Variants in XKR6 observed in about 807,000 individuals in gnomAD.
XKR6 encodes XK-related protein 6.
In XKR6, 22 loss-of-function variants were observed where a neutral mutation model predicts 56.7. The observed-to-expected ratio is 0.39, with a 90% CI of 0.28 to 0.55. XKR6 has a LOEUF of 0.55. Ranked by LOEUF, XKR6 falls within the 20% of genes least tolerant of loss-of-function variation. The pLI is 0.66. For missense variants in XKR6, 852 were observed against 889.0 expected (o/e 0.96, Z 0.53); for synonymous variants, 524 against 387.8 (o/e 1.35, Z -4.13).
chr8:10,997,224 C>A (rs377717109), intron 1 of XKR6, among the ~76,000 whole-genome samples: 1 of 152,182 alleles, frequency 6.6e-6, no homozygotes, highest in African/African-American at 2.4e-5. Context: ...TTCATGCCAG[C>A]CACCATGCTC....
chr8:11,130,459 G>T (rs1586588587), intron 1 of XKR6, among the ~76,000 whole-genome samples: 1 of 152,160 alleles, frequency 6.6e-6, no homozygotes, highest in African/African-American at 2.4e-5. Flanking sequence ...ACCGGGACGT[G>T]TGTGTTACAC....
chr8:10,902,202 G>A (rs1800054822), intron 2 of XKR6, among the ~76,000 whole-genome samples: 1 of 152,246 alleles, frequency 6.6e-6, no homozygotes, highest in African/African-American at 2.4e-5. Flanking sequence ...GAGGGCTTGG[G>A]AAATGGTCCC....
At position 10,898,922 on chromosome 8, in the gene XKR6, G is replaced by A. The variant is rs201055844; in HGVS notation, c.962-6C>T. ...GGAAGTCACAGAGGAGACACCTGCC[G>A]GAAAGACACAAACCCACACAGTCAA... On this transcript the variant is annotated splice_polypyrimidine_tract_variant and splice_region_variant and intron_variant, in intron 2 of 2. Transcript: ENST00000416569. This position sits in a 1 kb window ranked among gnomAD's most constrained non-coding sequence, Gnocchi z 6.6. 3.6e-4 allele frequency: 577 copies of A among 1,592,856 alleles called. 4 individuals carry two copies. Among genetic ancestry groups the A allele is most frequent in the Admixed American group, 1.5e-3 (85 of 58,164 alleles).
At chr8:10,991,184 G>A (rs752068468) in intron 1 of XKR6, among the ~76,000 whole-genome samples, 1 of 152,106 alleles carries the variant, frequency 6.6e-6, no homozygotes, top group Non-Finnish European at 1.5e-5. Flanking sequence ...GATTACAGGC[G>A]TGAGCCACCC....
At chr8:11,039,437 T>C (rs1199192714) in intron 1 of XKR6, among the ~76,000 whole-genome samples, 2 of 152,248 alleles carry the variant, frequency 1.3e-5, no homozygotes, top group Non-Finnish European at 1.5e-5. Context: ...CCCTGCTTAC[T>C]GGACACGCTG....
At chr8:10,902,206 T>C (rs1199223734) in intron 2 of XKR6, among the ~76,000 whole-genome samples, 1 of 152,188 alleles carries the variant, frequency 6.6e-6, no homozygotes, top group Non-Finnish European at 1.5e-5. Flanking sequence ...GCTTGGGAAA[T>C]GGTCCCATGG....
chr8:10,958,272 G>A (rs557691475), intron 1 of XKR6, among the ~76,000 whole-genome samples: 3 of 152,390 alleles, frequency 2.0e-5, no homozygotes, highest in African/African-American at 7.2e-5. Context: ...TGTGCCATCT[G>A]TGAAGAGCCT....
chr8:11,071,382 G>A (rs893736040), intron 1 of XKR6, among the ~76,000 whole-genome samples: 1 of 152,190 alleles, frequency 6.6e-6, no homozygotes, highest in Admixed American at 6.5e-5. Flanking sequence ...TAGGATTACA[G>A]GCACGCGCCA....
chr8:11,196,842 T>C (rs1042914243), intron 1 of XKR6, among the ~76,000 whole-genome samples: 23 of 152,180 alleles, frequency 1.5e-4, no homozygotes, highest in African/African-American at 5.3e-4. Context: ...ACCACTCTTG[T>C]AAAATAGTCA....
intron 1 of XKR6, among the ~76,000 whole-genome samples, chr8:10,951,845 G>T (rs1418098883): frequency 6.6e-6 from 1 of 152,168 alleles, no homozygotes; most frequent in Admixed American, 6.5e-5. Context: ...CCCGGACCAA[G>T]GAGGGGGCAG....
intron 1 of XKR6, among the ~76,000 whole-genome samples, chr8:10,968,165 T>A (rs1194531996): frequency 6.6e-6 from 1 of 152,166 alleles, no homozygotes; most frequent in Non-Finnish European, 1.5e-5. Context: ...ATTCCTGGCC[T>A]TGCATCCGGT....
chr8:10,959,073 C>A (rs574063035), intron 1 of XKR6, among the ~76,000 whole-genome samples: 3 of 152,358 alleles, frequency 2.0e-5, no homozygotes, highest in African/African-American at 7.2e-5. Flanking sequence ...GTTGCGACCA[C>A]CTCTCCTGGG....
intron 1 of XKR6, among the ~76,000 whole-genome samples, chr8:11,068,225 G>C (rs1800029989): frequency 6.6e-6 from 1 of 152,158 alleles, no homozygotes; most frequent in African/African-American, 2.4e-5. Flanking sequence ...CATCATCTCA[G>C]ACCGTCGGAG....
intron 1 of XKR6, among the ~76,000 whole-genome samples, chr8:10,976,300 C>A (rs1299467234): frequency 1.3e-5 from 2 of 152,192 alleles, no homozygotes; most frequent in African/African-American, 4.8e-5. Context: ...CACCCAAGAC[C>A]CCAGCAGGGT....
At chr8:10,908,583 C>T (rs1037338157) in intron 2 of XKR6, among the ~76,000 whole-genome samples, 1 of 152,128 alleles carries the variant, frequency 6.6e-6, no homozygotes, top group Non-Finnish European at 1.5e-5. Flanking sequence ...TCCAGTATCG[C>T]TATGTTGTTA....
chr8:10,940,991 CA>C (rs2129123535), intron 1 of XKR6, among the ~76,000 whole-genome samples: 1 of 152,294 alleles, frequency 6.6e-6, no homozygotes, highest in South Asian at 2.1e-4. Context: ...TCCCTGTAGC[CA>C]CAGTGACTCG....
intron 1 of XKR6, among the ~76,000 whole-genome samples, chr8:11,014,344 G>C (rs1798568822): frequency 6.6e-6 from 1 of 152,148 alleles, no homozygotes; most frequent in South Asian, 2.1e-4. Context: ...GCAGGCACAG[G>C]ACCAACCACA....
intron 1 of XKR6, among the ~76,000 whole-genome samples, chr8:11,001,641 G>T (rs982465391): frequency 6.6e-6 from 1 of 152,240 alleles, no homozygotes; most frequent in African/African-American, 2.4e-5. Flanking sequence ...CATTCCTGGA[G>T]ATGAGGGTTG....
At chr8:11,078,210 G>A (rs963795578) in intron 1 of XKR6, among the ~76,000 whole-genome samples, 7 of 152,202 alleles carry the variant, frequency 4.6e-5, no homozygotes, top group African/African-American at 1.7e-4. Flanking sequence ...GAACTCCAGA[G>A]GGAAAGAAGA....
Sources: allele counts gnomAD v4.1 joint callset (sites outside exome capture counted in the v4.1 genomes callset), GRCh38; gene constraint gnomAD v4.1.1; non-coding constraint Gnocchi (gnomAD v3.1); transcripts MANE v1.5; gene names NCBI Gene and HGNC (gene_info 2026-07-23, HGNC 2026-07-21).